Variants in CTNNA2 observed in about 807,000 individuals in gnomAD.
CTNNA2 encodes catenin alpha-2.
Under a neutral mutation model 101.0 loss-of-function variants are expected in CTNNA2, and 42 were observed. The observed-to-expected ratio is 0.42, with a 90% CI of 0.32 to 0.54. CTNNA2 has a LOEUF of 0.54. CTNNA2 is among the 20% of genes least tolerant of loss of function. The pLI, the probability that CTNNA2 is intolerant of heterozygous loss-of-function variation, is 0.14. For missense variants in CTNNA2, 871 were observed against 1,223.1 expected (o/e 0.71, Z 4.29); for synonymous variants, 450 against 456.4 (o/e 0.99, Z 0.18).
chr2:79,754,718 C>A (rs1672282537), intron 3 of CTNNA2, among the ~76,000 whole-genome samples: 1 of 152,110 alleles, frequency 6.6e-6, no homozygotes, highest in Admixed American at 6.5e-5. Context: ...ATTGGGCTTC[C>A]TTTCTGTGCT....
intron 2 of CTNNA2, among the ~76,000 whole-genome samples, chr2:79,240,761 G>T (rs886505208): frequency 6.6e-6 from 1 of 152,174 alleles, no homozygotes; most frequent in South Asian, 2.1e-4. Flanking sequence ...GGGGCAATGA[G>T]GTTTCTGGGG....
At chr2:80,119,354 G>A (rs1701704617) in intron 7 of CTNNA2, among the ~76,000 whole-genome samples, 2 of 152,198 alleles carry the variant, frequency 1.3e-5, no homozygotes, top group African/African-American at 4.8e-5. Flanking sequence ...AGGAAGAAAT[G>A]CAGAGGGACA....
At chr2:79,969,037 G>A (rs60422287) in intron 7 of CTNNA2, among the ~76,000 whole-genome samples, 2 of 152,114 alleles carry the variant, frequency 1.3e-5, no homozygotes, top group Non-Finnish European at 1.5e-5. Flanking sequence ...AGGGTAAGCA[G>A]TTTGTCTGTG....
chr2:79,415,233 T>G (rs1678464816), intron 4 of CTNNA2, among the ~76,000 whole-genome samples: 1 of 152,126 alleles, frequency 6.6e-6, no homozygotes, highest in African/African-American at 2.4e-5. Context: ...TAAAAGAATG[T>G]GGCACCTCCA....
At chr2:79,613,418 A>C (rs1678418510) in intron 1 of CTNNA2, among the ~76,000 whole-genome samples, 1 of 151,536 alleles carries the variant, frequency 6.6e-6, no homozygotes, top group Admixed American at 6.6e-5. Flanking sequence ...ACTACTTGTC[A>C]TCAAGAACCT....
intron 3 of CTNNA2, among the ~76,000 whole-genome samples, chr2:79,813,555 C>A (rs976866075): frequency 6.6e-6 from 1 of 152,054 alleles, no homozygotes; most frequent in Non-Finnish European, 1.5e-5. Context: ...ATTCACTATA[C>A]CTTCAATTCA....
At chr2:80,343,408 A>T (rs1180482521) in intron 7 of CTNNA2, among the ~76,000 whole-genome samples, 17 of 55,252 alleles carry the variant, frequency 3.1e-4, no homozygotes, top group East Asian at 1.4e-3. Context: ...GACTTTTGAT[A>T]AAAAAAAAAA....
intron 7 of CTNNA2, among the ~76,000 whole-genome samples, chr2:80,150,231 G>C (rs11673937): frequency 0.14 from 21,704 of 151,952 alleles, 3,910 homozygotes; most frequent in African/African-American, 0.43. Flanking sequence ...CTCTCTCTCT[G>C]TCTGTCTTCT....
intron 9 of CTNNA2, among the ~76,000 whole-genome samples, chr2:80,425,981 A>G (rs73941118): frequency 0.012 from 1,893 of 152,288 alleles, 41 homozygotes; most frequent in African/African-American, 0.043. Context: ...ACATTTAATA[A>G]AATTTGGGGA....
At chr2:80,538,601 AG>A (rs1691253444) in intron 9 of CTNNA2, among the ~76,000 whole-genome samples, 1 of 152,298 alleles carries the variant, frequency 6.6e-6, no homozygotes, top group Admixed American at 6.5e-5. Context: ...TTTTGGTACC[AG>A]CACCATGCTG....
chr2:80,294,878 CA>C (rs1192823812), intron 7 of CTNNA2, among the ~76,000 whole-genome samples: 1 of 152,138 alleles, frequency 6.6e-6, no homozygotes, highest in Non-Finnish European at 1.5e-5. Flanking sequence ...TACAACATTA[CA>C]TTGAGAACAG....
At chr2:80,077,480 G>A (rs1174607759) in intron 7 of CTNNA2, among the ~76,000 whole-genome samples, 2 of 151,860 alleles carry the variant, frequency 1.3e-5, no homozygotes, top group Non-Finnish European at 2.9e-5. Context: ...TAGGCGTGGT[G>A]TCCCACACCT....
intron 7 of CTNNA2, among the ~76,000 whole-genome samples, chr2:79,936,593 G>A (rs115554025): frequency 0.015 from 2,332 of 151,704 alleles, 77 homozygotes; most frequent in African/African-American, 0.054. Flanking sequence ...TTGTAGACAG[G>A]CTTAATTAAA....
chr2:79,270,051 T>C (rs774754173), intron 2 of CTNNA2, among the ~76,000 whole-genome samples: 1 of 152,140 alleles, frequency 6.6e-6, no homozygotes, highest in Non-Finnish European at 1.5e-5. Context: ...TTTTCTCCTA[T>C]AGAGCATCTC....
Position 80,302,946 on chromosome 2 carries a change from G to A in CTNNA2, c.1057-90265G>A. 3 of 1,613,970 alleles carry A rather than the reference G, an allele frequency of 1.9e-6. No homozygotes were observed. Among genetic ancestry groups the A allele is most frequent in the Non-Finnish European group, 2.5e-6 (3 of 1,180,008 alleles). ...AGGATCCGGGGCTCGATGTAGGTGA[G>A]GCGGTTGGAGTCCAGCTGCAGGGAC... is the stretch of plus-strand genomic sequence containing the variant. On this transcript the variant is annotated intron_variant, in intron 7 of 18. Coordinates refer to ENST00000402739, the MANE Select transcript of CTNNA2 (RefSeq NM_001282597.3). The surrounding 1 kb of genome is among the most constrained non-coding windows in gnomAD (Gnocchi z 6.4).
At chr2:80,377,998 G>A (rs1037053388) in intron 7 of CTNNA2, among the ~76,000 whole-genome samples, 2 of 152,184 alleles carry the variant, frequency 1.3e-5, no homozygotes, top group African/African-American at 2.4e-5. Context: ...CTGACACTGG[G>A]AGATGTGGTC....
chr2:79,580,765 G>A (rs964659776), intron 1 of CTNNA2, among the ~76,000 whole-genome samples: 1 of 152,230 alleles, frequency 6.6e-6, no homozygotes, highest in East Asian at 1.9e-4. Flanking sequence ...CCAAAGCTCT[G>A]GTTGACCTTT....
chr2:79,493,530 C>T (rs187014175), intron 4 of CTNNA2, among the ~76,000 whole-genome samples: 3 of 152,152 alleles, frequency 2.0e-5, no homozygotes, highest in African/African-American at 7.2e-5. Context: ...GCAGAAGAAT[C>T]GCTTGAACCC....
intron 3 of CTNNA2, chr2:79,776,893 A>G (rs1465045010): frequency 1.3e-5 from 2 of 152,168 alleles, no homozygotes; most frequent in African/African-American, 4.8e-5. Flanking sequence ...CTTTCTGAGG[A>G]GCTGAGAGCA....
Sources: gnomAD v4.1 joint callset for allele counts (sites outside exome capture counted in the v4.1 genomes callset) on GRCh38, gnomAD v4.1.1 for gene constraint, Gnocchi (gnomAD v3.1) non-coding constraint, MANE v1.5 for transcripts, NCBI Gene and HGNC (gene_info 2026-07-23, HGNC 2026-07-21) for gene names.